The following ANKS3 variants were observed in gnomAD, a reference collection of about 807,000 sequenced individuals.
ANKS3 encodes the protein ankyrin repeat and sterile alpha motif domain containing 3, also known as ankyrin repeat and SAM domain-containing protein 3.
In ANKS3, 62 loss-of-function variants were observed where a neutral mutation model predicts 80.7. The ratio of observed to expected loss-of-function variants is 0.77; its 90% CI spans 0.63 to 0.95. The LOEUF (loss-of-function observed/expected upper bound fraction) is 0.95, where lower values mean the gene tolerates loss of function less well. Among genes scored for constraint, ANKS3 ranks in the 40% least tolerant of loss-of-function variants. The probability of loss-of-function intolerance (pLI) is 0.00; values close to 1 mark genes in which losing one functional copy is unlikely to be tolerated. For synonymous variants in ANKS3, 489 were observed against 355.3 expected, an observed-to-expected ratio of 1.38 and a Z score of -4.23; for missense variants, 1,150 against 883.6, an observed-to-expected ratio of 1.30 and a Z score of -3.82.
chr16:4,705,099 G>C lies in ANKS3; in HGVS notation c.864C>G (p.Arg288=). Residue 288 remains arginine, a synonymous_variant, in exon 8 of 18, where the codon CGC becomes CGG. Transcript: ENST00000304283. ...CGGGAAACGCGGGCCACTCACCATA[G>C]CGAGGCCGTGGGGCTCTGCCGCCCA... ...IGLGGRAPRP[R]YEQAPPRGYV... is the part of the protein sequence containing the mutation. 1 of 1,612,238 alleles carries C rather than the reference G, an allele frequency of 6.2e-7. No homozygotes were observed. The highest frequency in any genetic ancestry group is 8.5e-7 in the Non-Finnish European group (1 of 1,179,964).
chr16:4,721,978 G>C (rs1210199381), intron 6 of ANKS3, among the ~76,000 whole-genome samples: 2 of 151,144 alleles, frequency 1.3e-5, no homozygotes, highest in African/African-American at 4.8e-5. Context: ...TCATGATTAA[G>C]TTTTTTAAAA....
chr16:4,703,118 C>G (rs1018830146), intron 8 of ANKS3, among the ~76,000 whole-genome samples: 21 of 152,192 alleles, frequency 1.4e-4, no homozygotes, highest in Admixed American at 6.5e-4. Flanking sequence ...TCATTGCCCC[C>G]TAAACTGTTT....
intron 6 of ANKS3, among the ~76,000 whole-genome samples, chr16:4,720,852 G>C (rs867321313): frequency 6.7e-6 from 1 of 150,052 alleles, no homozygotes; most frequent in Admixed American, 6.7e-5. Context: ...CAGGAGAATC[G>C]CTTGAACCTG....
chr16:4,733,498 G>A lies in ANKS3; in HGVS notation c.-71+440C>T, dbSNP rs138954415. 1.9e-3 allele frequency among the ~76,000 whole-genome samples: 283 copies of A among 152,102 alleles called. 1 individual carries two copies. Among genetic ancestry groups the A allele is most frequent in the African/African-American group, 6.6e-3 (273 of 41,484 alleles). ...GTAGAGACGAAGTGTCCCCATGTTGGCCAGGCTGGTCTCAAATCCTTGACT... is the reference window on the plus strand; with the variant it reads ...GTAGAGACGAAGTGTCCCCATGTTGACCAGGCTGGTCTCAAATCCTTGACT... On this transcript the variant is annotated intron_variant, in intron 1 of 17. Coordinates refer to ENST00000304283, the MANE Select transcript of ANKS3 (RefSeq NM_133450.4).
At chr16:4,710,652 T>C (rs749033592) in intron 7 of ANKS3, among the ~76,000 whole-genome samples, 5 of 151,890 alleles carry the variant, frequency 3.3e-5, no homozygotes, top group Admixed American at 6.6e-5. Flanking sequence ...GGAGGTTGCA[T>C]TGAGTCGAGA....
intron 6 of ANKS3, among the ~76,000 whole-genome samples, chr16:4,723,397 G>A (rs1027984442): frequency 1.3e-5 from 2 of 152,156 alleles, no homozygotes; most frequent in Admixed American, 1.3e-4. Context: ...TGTTGTGTCT[G>A]GCTTCTTTCA....
intron 1 of ANKS3, among the ~76,000 whole-genome samples, chr16:4,733,099 G>A (rs2081739177): frequency 6.6e-6 from 1 of 151,062 alleles, no homozygotes; most frequent in African/African-American, 2.4e-5. Flanking sequence ...GGGTAGTGGA[G>A]GGTGGGGATG....
At chr16:4,696,926 G>T (rs2079581732) in intron 17 of ANKS3, 30 bp from the exon 18 acceptor site, 5 of 1,173,432 alleles carry the variant, frequency 4.3e-6, no homozygotes, top group Non-Finnish European at 5.0e-6. Context: ...TGAGAAGGGA[G>T]GGGGACAGGT....
At chr16:4,709,667 A>G (rs1241590901) in intron 7 of ANKS3, among the ~76,000 whole-genome samples, 2 of 152,200 alleles carry the variant, frequency 1.3e-5, no homozygotes, top group Non-Finnish European at 2.9e-5. Context: ...GGCAACATGA[A>G]TAAGCCTGGA....
rs1217355043 is a variant in ANKS3, at chr16:4,722,322, T to C, written c.573+2428A>G. 3.3e-5 allele frequency among the ~76,000 whole-genome samples: 5 copies of C among 151,574 alleles called. No individual in the cohort carries two copies. The South Asian group carries it at 1.0e-3, about 32-fold the overall frequency. On this transcript the variant is annotated intron_variant, in intron 6 of 17. Transcript: ENST00000304283. ...CCAGCCGGGCACAGTGGCTCACACC[T>C]GTAATCCCAGCACTTTGGGAGGCCA...
intron 6 of ANKS3, among the ~76,000 whole-genome samples, chr16:4,718,367 C>T (rs1056985987): frequency 3.9e-5 from 6 of 152,132 alleles, no homozygotes; most frequent in East Asian, 3.8e-4. Context: ...CAAGACTATC[C>T]GGAAGGCACG....
intron 9 of ANKS3, 143 bp downstream of exon 9, chr16:4,701,959 C>A: frequency 9.4e-7 from 1 of 1,060,138 alleles, no homozygotes; most frequent in Non-Finnish European, 1.3e-6. Flanking sequence ...TCACAAGAAC[C>A]AGGGCCGTCC....
Position 4,698,893 on chromosome 16 carries a change from G to T in ANKS3, c.1458C>A (p.His486Gln), listed in dbSNP as rs766310411. 8 of 1,599,950 alleles carry T rather than the reference G, an allele frequency of 5.0e-6. No homozygotes were observed. Among genetic ancestry groups the T allele is most frequent in the Non-Finnish European group, 6.8e-6 (8 of 1,172,158 alleles). ...RKMTSAIARWHSSARPPGDAL... is the reference protein window; with the variant it reads ...RKMTSAIARWQSSARPPGDAL... Reference sequence around the variant, plus strand: ...CATCCCCGGGTGGGCGGGCACTGCTGTGCCAGCGGGCAATGGCGGACGTCA... The same window carrying T: ...CATCCCCGGGTGGGCGGGCACTGCTTTGCCAGCGGGCAATGGCGGACGTCA... Residue 486 changes from histidine (H) to glutamine (Q), a missense_variant, in exon 13 of 18, where the codon CAC becomes CAA. Transcript: ENST00000304283.
intron 11 of ANKS3, 81 bp downstream of exon 11, chr16:4,700,889 G>C (rs751334452): frequency 1.9e-6 from 3 of 1,555,638 alleles, no homozygotes; most frequent in Non-Finnish European, 1.8e-6. Context: ...CGCCTGGCAC[G>C]TCATATACAC....
intron 3 of ANKS3, chr16:4,729,364 CT>C (rs1314307804): frequency 6.6e-6 from 1 of 152,004 alleles, no homozygotes; most frequent in Non-Finnish European, 1.5e-5. Context: ...TTTCTTTTTT[CT>C]TTTTTTTGTT....
Position 4,698,465 on chromosome 16 carries a change from G to A in ANKS3, c.1686C>T (p.Ala562=). ...GGACGAGGGCAGCATCCCGGGCCAGGGCCCACGTCTCCCGCAGCCGGGCCT... is the reference window on the plus strand; with the variant it reads ...GGACGAGGGCAGCATCCCGGGCCAGAGCCCACGTCTCCCGCAGCCGGGCCT... The part of the protein sequence containing the change: ...DLQARLRETW[A]LARDAALVLD... Residue 562 remains alanine (A), a synonymous_variant, in exon 14 of 18, where the codon GCC becomes GCT. Coordinates refer to ENST00000304283, the MANE Select transcript of ANKS3 (RefSeq NM_133450.4). 9 of 1,544,970 alleles carry A rather than the reference G, an allele frequency of 5.8e-6. No individual in the cohort carries two copies. The highest frequency in any genetic ancestry group is 1.2e-5 in the South Asian group (1 of 84,154).
chr16:4,696,859 C>T lies in ANKS3; in HGVS notation c.*49G>A. ...TCACTGTCCTCCTCACTCCCTGGCA[C>T]ACAGCTTCAGGGTGGACCAATCACC... On this transcript the variant is annotated 3_prime_UTR_variant, in exon 18 of 18. Coordinates refer to ENST00000304283, the MANE Select transcript of ANKS3 (RefSeq NM_133450.4). 4.3e-6 allele frequency: 3 copies of T among 705,610 alleles called. No homozygotes were observed. The highest frequency in any genetic ancestry group is 7.2e-6 in the Non-Finnish European group (3 of 414,874). The allele number at this position is 705,610 out of a possible 1,614,324, so 43.7% of individuals were successfully genotyped here.
rs1222521547 is a variant in ANKS3, at chr16:4,724,842, T to C, written c.492-11A>G. 3 of 1,613,496 alleles carry C rather than the reference T, an allele frequency of 1.9e-6. No individual in the cohort carries two copies. The highest frequency in any genetic ancestry group is 8.5e-7 in the Non-Finnish European group (1 of 1,179,692). ...CCACATATCGGCTCCCTGCAAGATGTGGGCCACAGTCAGATGATTGGAAGA... is the reference window on the plus strand; with the variant it reads ...CCACATATCGGCTCCCTGCAAGATGCGGGCCACAGTCAGATGATTGGAAGA... On this transcript the variant is annotated splice_polypyrimidine_tract_variant and intron_variant, in intron 5 of 17. Transcript: ENST00000304283.
At chr16:4,724,217 T>C (rs773381229) in intron 6 of ANKS3, among the ~76,000 whole-genome samples, 12 of 152,232 alleles carry the variant, frequency 7.9e-5, no homozygotes, top group Non-Finnish European at 1.6e-4. Context: ...TTAAATTAAC[T>C]GAGGCAGATT....
Sources: allele counts gnomAD v4.1 joint callset (sites outside exome capture counted in the v4.1 genomes callset), GRCh38; gene constraint gnomAD v4.1.1; transcripts MANE v1.5; gene names NCBI Gene and HGNC (gene_info 2026-07-23, HGNC 2026-07-21).